TMEM229B: variants seen among roughly 807,000 people sequenced by gnomAD.
The protein encoded by TMEM229B is transmembrane protein 229B.
In TMEM229B, 6 loss-of-function variants were observed where a neutral mutation model predicts 13.7. That is an observed-to-expected ratio of 0.44 (90% CI 0.24 to 0.86). The LOEUF is 0.86. Ranked by LOEUF, TMEM229B falls within the 40% of genes least tolerant of loss-of-function variation. TMEM229B has a pLI of 0.23. For missense variants in TMEM229B, 170 were observed against 236.0 expected, an observed-to-expected ratio of 0.72 and a Z score of 1.83; for synonymous variants, 107 against 102.1, an observed-to-expected ratio of 1.05 and a Z score of -0.29.
At chr14:67,474,744 C>T (rs145994330) in intron 2 of TMEM229B, among the ~76,000 whole-genome samples, 124 of 152,210 alleles carry the variant, frequency 8.1e-4, no homozygotes, top group African/African-American at 2.8e-3. Context: ...CCCTGGCAAC[C>T]ACTATTCTAT....
intron 1 of TMEM229B, among the ~76,000 whole-genome samples, chr14:67,530,434 G>A (rs1238679252): frequency 2.0e-5 from 3 of 152,190 alleles, no homozygotes; most frequent in Admixed American, 1.3e-4. Flanking sequence ...CAAGGAACAA[G>A]GCCCAGACTA....
At chr14:67,493,488 G>C (rs909155771), upstream of TMEM229B, among the ~76,000 whole-genome samples, 1 of 152,178 alleles carries the variant, frequency 6.6e-6, no homozygotes, top group Non-Finnish European at 1.5e-5. Flanking sequence ...TCTCGTGATC[G>C]TAACTGACAC....
chr14:67,519,552 A>G (rs1017880458), upstream of TMEM229B, among the ~76,000 whole-genome samples: 12 of 152,130 alleles, frequency 7.9e-5, no homozygotes, highest in African/African-American at 2.7e-4. Context: ...TGTAAGCCCT[A>G]CTAGGTACTG....
Position 67,473,828 on chromosome 14 carries a change from C to T in TMEM229B, c.96G>A (p.Glu32=), listed in dbSNP as rs1193267252. 9.3e-6 allele frequency: 15 copies of T among 1,613,594 alleles called. No homozygotes were observed. Among genetic ancestry groups the T allele is most frequent in the Non-Finnish European group, 1.2e-5 (14 of 1,179,870 alleles). The change falls in exon 3 of 3, where the codon GAG becomes GAA. Residue 32 remains glutamate, a synonymous_variant. Transcript: ENST00000554480. This position sits in a 1 kb window ranked among gnomAD's most constrained non-coding sequence, Gnocchi z 6.5. ...FCEVMFTAAW[E]FVVNLNWKFP... ...ACTTCCAGTTCAAGTTCACCACGAA[C>T]TCCCAGGCCGCTGTGAACATCACCT... is the stretch of plus-strand genomic sequence containing the variant.
chr14:67,478,154 C>T (rs1380866226), intron 2 of TMEM229B, among the ~76,000 whole-genome samples: 1 of 152,274 alleles, frequency 6.6e-6, no homozygotes, highest in Non-Finnish European at 1.5e-5. Flanking sequence ...TAGCTCCACT[C>T]CACCTGTCTC....
At chr14:67,496,402 T>C (rs919781666) in intron 1 of TMEM229B, among the ~76,000 whole-genome samples, 1 of 125,530 alleles carries the variant, frequency 8.0e-6, no homozygotes, top group African/African-American at 3.0e-5. Context: ...TTTTTTTTTT[T>C]TTTTTTTTTT....
At chr14:67,496,400 T>TTTTTTTG in intron 1 of TMEM229B, among the ~76,000 whole-genome samples, 1 of 123,208 alleles carries the variant, frequency 8.1e-6, no homozygotes, top group African/African-American at 3.0e-5. Context: ...CGTTTTTTTT[T>TTTTTTTG]TTTTTTTTTT....
intron 1 of TMEM229B, among the ~76,000 whole-genome samples, chr14:67,504,463 GT>G (rs566469283): frequency 3.3e-5 from 5 of 150,956 alleles, no homozygotes; most frequent in Admixed American, 1.3e-4. Context: ...ATTTAAGTCA[GT>G]TTTTTTTTCA....
At chr14:67,506,949 A>C (rs912068699) in intron 1 of TMEM229B, among the ~76,000 whole-genome samples, 1 of 152,216 alleles carries the variant, frequency 6.6e-6, no homozygotes, top group African/African-American at 2.4e-5. Context: ...GTGCCACTGC[A>C]TTCCAGCCTG....
At chr14:67,484,596 TA>T (rs2031767852) in intron 2 of TMEM229B, among the ~76,000 whole-genome samples, 1 of 152,188 alleles carries the variant, frequency 6.6e-6, no homozygotes, top group Admixed American at 6.5e-5. Context: ...GATTCAATTT[TA>T]TTTTTTAAAA....
chr14:67,518,794 C>G (rs1038524100), upstream of TMEM229B, among the ~76,000 whole-genome samples: 1 of 152,150 alleles, frequency 6.6e-6, no homozygotes, highest in Non-Finnish European at 1.5e-5. Context: ...TGCCCTCTGA[C>G]CACAAGTTAG....
chr14:67,486,914 C>T (rs2140125438), intron 2 of TMEM229B, 86 bp downstream of exon 2: 1 of 152,266 alleles, frequency 6.6e-6, no homozygotes, highest in Non-Finnish European at 1.5e-5. Context: ...GAACTAGAAC[C>T]TCCAGACTCG....
intron 1 of TMEM229B, among the ~76,000 whole-genome samples, chr14:67,530,689 T>C (rs928602502): frequency 5.3e-5 from 8 of 152,142 alleles, no homozygotes; most frequent in African/African-American, 1.9e-4. Flanking sequence ...ATTGGTGAAA[T>C]AAGCAGTTTT....
At chr14:67,486,328 G>T (rs561974047) in intron 2 of TMEM229B, among the ~76,000 whole-genome samples, 1 of 152,238 alleles carries the variant, frequency 6.6e-6, no homozygotes, top group Non-Finnish European at 1.5e-5. Context: ...AGGCTGGGGT[G>T]CAATGGCACG....
At chr14:67,479,577 G>A (rs1204967134) in intron 2 of TMEM229B, among the ~76,000 whole-genome samples, 11 of 151,886 alleles carry the variant, frequency 7.2e-5, no homozygotes, top group African/African-American at 2.4e-4. Flanking sequence ...AATTAGCCGG[G>A]CATGGTGGCA....
chr14:67,528,716 C>T (rs1193976442), intron 1 of TMEM229B, among the ~76,000 whole-genome samples: 1 of 152,128 alleles, frequency 6.6e-6, no homozygotes, highest in Non-Finnish European at 1.5e-5. Context: ...CCGTATAACC[C>T]GCAGCTGCAG....
At chr14:67,497,199 C>T (rs191001410) in intron 1 of TMEM229B, among the ~76,000 whole-genome samples, 29 of 152,212 alleles carry the variant, frequency 1.9e-4, no homozygotes, top group Non-Finnish European at 2.9e-4. Flanking sequence ...CGGGCACACA[C>T]GAATGCCCTG....
At chr14:67,481,853 G>T (rs1440932528) in intron 2 of TMEM229B, among the ~76,000 whole-genome samples, 2 of 152,180 alleles carry the variant, frequency 1.3e-5, no homozygotes, top group Admixed American at 1.3e-4. Context: ...CAGCTCAGGG[G>T]ACCTTGGCTT....
Position 67,473,913 on chromosome 14 carries a change from G to C in TMEM229B, c.11C>G (p.Ala4Gly). ...GCGGGACAGCGCCGTCAGGGGCTCG[G>C]CAGACGCCATGGCGCCGACTGGGGC... is the stretch of plus-strand genomic sequence containing the variant. Reference protein sequence around the residue: MASAEPLTALSRWY... With the variant: MASGEPLTALSRWY... The change falls in exon 3 of 3, where the codon GCC (alanine) becomes GGC (glycine). Residue 4 changes from alanine (A) to glycine (G), a missense_variant. Ala to Gly is a moderately conservative substitution (Grantham distance 60). Coordinates refer to ENST00000554480, the MANE Select transcript of TMEM229B (RefSeq NM_001348543.2). This position sits in a 1 kb window ranked among gnomAD's most constrained non-coding sequence, Gnocchi z 6.5. 6.2e-7 allele frequency: 1 copy of C among 1,603,396 alleles called. No homozygotes were observed. The highest frequency in any genetic ancestry group is 8.5e-7 in the Non-Finnish European group (1 of 1,175,340).
Sources: gnomAD v4.1 joint callset for allele counts (sites outside exome capture counted in the v4.1 genomes callset) on GRCh38, gnomAD v4.1.1 for gene constraint, Gnocchi (gnomAD v3.1) non-coding constraint, MANE v1.5 for transcripts, NCBI Gene and HGNC (gene_info 2026-07-23, HGNC 2026-07-21) for gene names.